The following COL4A2 variants were observed in gnomAD, a reference collection of about 807,000 sequenced individuals.
COL4A2 encodes collagen type IV alpha 2 chain.
A neutral mutation model predicts 200.2 loss-of-function variants in COL4A2; 99 were observed. That is an observed-to-expected ratio of 0.49 (90% CI 0.42 to 0.58). COL4A2 has a LOEUF of 0.58. COL4A2 is among the 20% of genes least tolerant of loss of function. The pLI is 0.00. For synonymous variants in COL4A2, 897 were observed against 900.6 expected (o/e 1.00, Z 0.07); for missense variants, 1,950 against 2,314.1 (o/e 0.84, Z 3.23).
chr13:110,460,028 A>G (rs9521784), intron 22 of COL4A2, among the ~76,000 whole-genome samples: 87,734 of 152,098 alleles, frequency 0.58, 26,143 homozygotes, highest in Middle Eastern at 0.73. Flanking sequence ...TGAATTTCAG[A>G]TGTAGACAAA....
chr13:110,491,456 C>T (rs1883282255), intron 37 of COL4A2, 116 bp downstream of exon 37: 4 of 741,934 alleles, frequency 5.4e-6, no homozygotes, highest in African/African-American at 1.7e-5. Context: ...GAAGCTCACT[C>T]GTGCCTGCTG....
intron 28 of COL4A2, among the ~76,000 whole-genome samples, chr13:110,471,053 G>A (rs1209962008): frequency 6.6e-6 from 1 of 152,216 alleles, no homozygotes; most frequent in Non-Finnish European, 1.5e-5. Context: ...CCTGCTGGAA[G>A]TGTCTAAATA....
At chr13:110,500,555 A>G (rs766901958) in intron 40 of COL4A2, among the ~76,000 whole-genome samples, 7 of 152,192 alleles carry the variant, frequency 4.6e-5, no homozygotes, top group Non-Finnish European at 7.3e-5. Context: ...TTACTCTCCT[A>G]CTAGTGCCAA....
In COL4A2 at chr13:110,424,998, G is replaced by C; in HGVS notation, c.360+1G>C. ...ATTCCCTGGTGCCGATGGAATTCCT[G>C]TAAGTTTTATGGAAGACTGGAATTT... On this transcript the variant is annotated splice_donor_variant, in intron 6 of 47. Coordinates refer to ENST00000360467, the MANE Select transcript of COL4A2 (RefSeq NM_001846.4). LOFTEE classifies it high-confidence loss of function. 3 of 1,614,202 alleles carry C rather than the reference G, an allele frequency of 1.9e-6. No homozygotes were observed. The highest frequency in any genetic ancestry group is 2.5e-6 in the Non-Finnish European group (3 of 1,180,030).
At position 110,424,616 on chromosome 13, in the gene COL4A2, C is replaced by A. The variant is rs574404759; in HGVS notation, c.181-118C>A. On this transcript the variant is annotated intron_variant, in intron 4 of 47. Coordinates refer to ENST00000360467, the MANE Select transcript of COL4A2 (RefSeq NM_001846.4). ...GATGATAGTTTACATATAATGTTCC[C>A]TGTAGATTATAGCTCTTTAAAAACA... The A allele has an allele frequency of 8.2e-6, 5 of 610,094 alleles. No individual in the cohort carries two copies. In the African/African-American group the frequency reaches 9.3e-5, roughly 11 times the overall value. 37.8% of individuals were successfully genotyped at this position (610,094 alleles called of 1,614,324 possible). A position where few individuals can be genotyped will look rare whatever the true frequency, so the allele number is the denominator to read the frequency against.
chr13:110,417,198 G>A (rs1880077167), intron 4 of COL4A2, among the ~76,000 whole-genome samples: 2 of 152,026 alleles, frequency 1.3e-5, no homozygotes, highest in Admixed American at 6.6e-5. Flanking sequence ...CCAGTGATCC[G>A]CCTGCCTCAG....
At chr13:110,426,392 G>A (rs1175336607) in intron 6 of COL4A2, among the ~76,000 whole-genome samples, 1 of 152,186 alleles carries the variant, frequency 6.6e-6, no homozygotes, top group African/African-American at 2.4e-5. Flanking sequence ...GTGGTGAGCA[G>A]GTGAAGACCA....
chr13:110,476,024 A>G (rs905547801), intron 29 of COL4A2, among the ~76,000 whole-genome samples: 1 of 152,202 alleles, frequency 6.6e-6, no homozygotes, highest in African/African-American at 2.4e-5. Flanking sequence ...CCACTTCCAG[A>G]AGGGGAGGAA....
intron 16 of COL4A2, among the ~76,000 whole-genome samples, chr13:110,443,523 G>T (rs9521763): frequency 6.6e-6 from 1 of 152,024 alleles, no homozygotes; most frequent in African/African-American, 2.4e-5. Context: ...TGCATAATCA[G>T]AACTTCCTAT....
chr13:110,414,735 G>A (rs1879974803), intron 4 of COL4A2, among the ~76,000 whole-genome samples: 1 of 152,226 alleles, frequency 6.6e-6, no homozygotes, highest in South Asian at 2.1e-4. Context: ...AATTTCAAAT[G>A]GCTATCACTG....
At chr13:110,360,903 A>ATT (rs59625151) in intron 4 of COL4A2, among the ~76,000 whole-genome samples, 5,769 of 152,192 alleles carry the variant, frequency 0.038, 361 homozygotes, top group African/African-American at 0.13. Context: ...TGACACTGTC[A>ATT]TTTCACCTGG....
At chr13:110,499,203 G>A (rs781331501) in intron 40 of COL4A2, among the ~76,000 whole-genome samples, 2 of 152,182 alleles carry the variant, frequency 1.3e-5, no homozygotes, top group Admixed American at 1.3e-4. Context: ...GTATTAGTTC[G>A]TTCTCATGCT....
chr13:110,443,523 G>C (rs9521763), intron 16 of COL4A2, among the ~76,000 whole-genome samples: 52,717 of 152,102 alleles, frequency 0.35, 9,631 homozygotes, highest in Non-Finnish European at 0.42. Flanking sequence ...TGCATAATCA[G>C]AACTTCCTAT....
intron 26 of COL4A2, 58 bp downstream of exon 26, chr13:110,466,120 G>A (rs1882231218): frequency 1.3e-6 from 2 of 1,574,696 alleles, no homozygotes; most frequent in East Asian, 4.5e-5. Flanking sequence ...TTGGTCTGCT[G>A]GTTAAGCTCT....
chr13:110,474,234 C>T (rs890951746), intron 29 of COL4A2, among the ~76,000 whole-genome samples: 1 of 152,216 alleles, frequency 6.6e-6, no homozygotes, highest in Non-Finnish European at 1.5e-5. Context: ...AACCCCAGCC[C>T]GAAGAGGCTT....
At chr13:110,388,083 G>A (rs1401391129) in intron 4 of COL4A2, among the ~76,000 whole-genome samples, 1 of 152,214 alleles carries the variant, frequency 6.6e-6, no homozygotes, top group African/African-American at 2.4e-5. Flanking sequence ...CCTTTAGAGG[G>A]AAACGCCAAA....
At chr13:110,485,621 C>T (rs772416674) in intron 33 of COL4A2, 34 bp from the exon 34 acceptor site, 5 of 1,553,552 alleles carry the variant, frequency 3.2e-6, no homozygotes, top group Non-Finnish European at 4.4e-6. Context: ...GCTGCGTCCT[C>T]ACCAGAGTGT....
intron 32 of COL4A2, 73 bp from the exon 33 acceptor site, chr13:110,484,832 A>G (rs1883056950): frequency 6.7e-7 from 1 of 1,495,230 alleles, no homozygotes; most frequent in Non-Finnish European, 9.0e-7. Flanking sequence ...TGGCTCAGGG[A>G]CCAGGCCTTC....
intron 3 of COL4A2, among the ~76,000 whole-genome samples, chr13:110,335,467 T>A (rs118146785): frequency 2.0e-5 from 3 of 152,154 alleles, no homozygotes; most frequent in Non-Finnish European, 4.4e-5. Flanking sequence ...CTCTCTTGTC[T>A]GCCACCATGT....
Sources: gnomAD v4.1 joint callset for allele counts (sites outside exome capture counted in the v4.1 genomes callset) on GRCh38, gnomAD v4.1.1 for gene constraint, MANE v1.5 for transcripts, NCBI Gene and HGNC (gene_info 2026-07-23, HGNC 2026-07-21) for gene names.